The following NEDD4 variants were observed in gnomAD, a reference collection of about 807,000 sequenced individuals.
The protein encoded by NEDD4 is E3 ubiquitin-protein ligase NEDD4.
In NEDD4, 99 loss-of-function variants were observed where a neutral mutation model predicts 144.9. The ratio of observed to expected loss-of-function variants is 0.68; its 90% CI spans 0.58 to 0.81. The LOEUF is 0.81. Among genes scored for constraint, NEDD4 ranks in the 30% least tolerant of loss-of-function variants. The pLI is 0.00. For missense variants in NEDD4, 985 were observed against 1,065.9 expected (o/e 0.92, Z 1.06); for synonymous variants, 318 against 350.6 (o/e 0.91, Z 1.04).
At chr15:55,908,969 TTAAC>T (rs1246367448) in intron 5 of NEDD4, among the ~76,000 whole-genome samples, 1 of 152,252 alleles carries the variant, frequency 6.6e-6, no homozygotes, top group Non-Finnish European at 1.5e-5. Flanking sequence ...ATAACTATAC[TTAAC>T]TAAGTTTAGT....
Position 55,838,538 on chromosome 15 carries a change from A to C in NEDD4, c.2098T>G (p.Phe700Val). ...CCAAAAAGTTCTTCATCTATGATAA[A>C]CCTGAGGTCCAATTCTGTTGGGTCA... ...ENDPTELDLR[F>V]IIDEELFGQT... Residue 700 changes from phenylalanine (F) to valine (V), a missense_variant, in exon 22 of 29, where the codon TTT becomes GTT. Coordinates refer to ENST00000435532, the MANE Select transcript of NEDD4 (RefSeq NM_006154.4). 3 of 1,612,986 alleles carry C rather than the reference A, an allele frequency of 1.9e-6. No homozygotes were observed. The highest frequency in any genetic ancestry group is 2.5e-6 in the Non-Finnish European group (3 of 1,179,444).
intron 7 of NEDD4, 111 bp from the exon 8 acceptor site, chr15:55,869,792 G>T (rs2034711266): frequency 1.5e-6 from 1 of 652,060 alleles, no homozygotes; most frequent in Non-Finnish European, 2.6e-6. Flanking sequence ...ACAAAGGGAG[G>T]TTCAAAGACA....
At chr15:55,835,172 C>A (rs1171744861) in intron 24 of NEDD4, among the ~76,000 whole-genome samples, 2 of 152,186 alleles carry the variant, frequency 1.3e-5, no homozygotes, top group African/African-American at 2.4e-5. Context: ...ATTCACTCAC[C>A]TCCCATCTAA....
intron 1 of NEDD4, among the ~76,000 whole-genome samples, chr15:55,985,381 T>C (rs1309261125): frequency 1.3e-5 from 2 of 152,154 alleles, no homozygotes; most frequent in South Asian, 2.1e-4. Flanking sequence ...CATACAGAGA[T>C]GCATCAGAAG....
chr15:55,827,061 G>A lies in NEDD4; in HGVS notation c.*2836C>T, dbSNP rs2032729294. On this transcript the variant is annotated 3_prime_UTR_variant, in exon 29 of 29. Transcript: ENST00000435532. ...TTACTGTGTCAGAAGATTTTAAAAAGTCAAATAGTTTATAATCAAAATGAA... is the reference window on the plus strand; with the variant it reads ...TTACTGTGTCAGAAGATTTTAAAAAATCAAATAGTTTATAATCAAAATGAA... 1.3e-5 allele frequency: 2 copies of A among 152,150 alleles called. 1 individual carries two copies. The highest frequency in any genetic ancestry group is 4.1e-4 in the South Asian group (2 of 4,832). 9.4% of individuals were successfully genotyped at this position (152,150 alleles called of 1,614,324 possible). A position where few individuals can be genotyped will look rare whatever the true frequency, so the allele number is the denominator to read the frequency against.
In NEDD4 at chr15:55,827,090, T is replaced by G. The variant is rs1382825443; in HGVS notation, c.*2807A>C. On this transcript the variant is annotated 3_prime_UTR_variant, in exon 29 of 29. Coordinates refer to ENST00000435532, the MANE Select transcript of NEDD4 (RefSeq NM_006154.4). ...AATAGTTTATAATCAAAATGAATTGTGTTTAACTTGATACTTATATGGAAT... is the reference window on the plus strand; with the variant it reads ...AATAGTTTATAATCAAAATGAATTGGGTTTAACTTGATACTTATATGGAAT... 6 of 152,338 alleles carry G rather than the reference T, an allele frequency of 3.9e-5. No homozygotes were observed. Among genetic ancestry groups the G allele is most frequent in the Admixed American group, 2.0e-4 (3 of 15,304 alleles). The allele number at this position is 152,338 out of a possible 1,614,324, so 9.4% of individuals were successfully genotyped here.
At chr15:55,891,459 C>T (rs1232747675) in intron 5 of NEDD4, among the ~76,000 whole-genome samples, 1 of 152,138 alleles carries the variant, frequency 6.6e-6, no homozygotes, top group Non-Finnish European at 1.5e-5. Context: ...CTGTGATGTT[C>T]ATTAATATTT....
intron 4 of NEDD4, among the ~76,000 whole-genome samples, chr15:55,935,524 T>C (rs1317616766): frequency 6.6e-6 from 1 of 152,036 alleles, no homozygotes; most frequent in Non-Finnish European, 1.5e-5. Flanking sequence ...CAAAGTCTTC[T>C]GGAAAAAGGT....
At chr15:55,841,559 T>A (rs181658119) in intron 19 of NEDD4, among the ~76,000 whole-genome samples, 1 of 152,284 alleles carries the variant, frequency 6.6e-6, no homozygotes, top group East Asian at 1.9e-4. Context: ...GTAATGACTC[T>A]AAATTGTATA....
intron 5 of NEDD4, among the ~76,000 whole-genome samples, chr15:55,922,693 T>C (rs2036590934): frequency 6.6e-6 from 1 of 151,988 alleles, no homozygotes; most frequent in Non-Finnish European, 1.5e-5. Flanking sequence ...TATATATACA[T>C]GTGATAAAAG....
At chr15:55,955,005 C>CTGCACTGCACTGCATTGTATTGCAT (rs1466405666) in intron 2 of NEDD4, among the ~76,000 whole-genome samples, 7 of 152,072 alleles carry the variant, frequency 4.6e-5, no homozygotes, top group African/African-American at 1.7e-4. Context: ...TTGCATTGCA[C>CTGCACTGCACTGCATTGTATTGCAT]TGCACTGCAC....
intron 4 of NEDD4, chr15:55,934,792 A>T (rs1334381512): frequency 6.6e-6 from 1 of 151,026 alleles, no homozygotes; most frequent in Non-Finnish European, 1.5e-5. Flanking sequence ...TATTATTATT[A>T]AAATTTTATT....
intron 4 of NEDD4, among the ~76,000 whole-genome samples, chr15:55,949,008 T>C (rs1420277563): frequency 6.6e-6 from 1 of 152,182 alleles, no homozygotes; most frequent in African/African-American, 2.4e-5. Flanking sequence ...ACCATCAGCA[T>C]GAACAGGCAA....
At chr15:55,923,659 A>AAAATATAT (rs546642962) in intron 5 of NEDD4, among the ~76,000 whole-genome samples, 1 of 135,288 alleles carries the variant, frequency 7.4e-6, no homozygotes, top group African/African-American at 2.8e-5. Context: ...AAAAAAAAAA[A>AAAATATAT]ATATATATAT....
intron 12 of NEDD4, 108 bp downstream of exon 12, chr15:55,856,023 C>A: frequency 1.2e-6 from 1 of 853,444 alleles, no homozygotes; most frequent in Non-Finnish European, 1.9e-6. Flanking sequence ...ACATTCTGTG[C>A]TGTATTGGCT....
At chr15:55,942,422 C>T (rs937737531) in intron 4 of NEDD4, among the ~76,000 whole-genome samples, 15 of 152,122 alleles carry the variant, frequency 9.9e-5, no homozygotes, top group Non-Finnish European at 1.6e-4. Context: ...GGGAGGTGAC[C>T]GGATCACGGA....
chr15:55,983,704 C>G (rs988912266), intron 1 of NEDD4, among the ~76,000 whole-genome samples: 1 of 151,568 alleles, frequency 6.6e-6, no homozygotes, highest in African/African-American at 2.4e-5. Context: ...CCCCACCTCC[C>G]GATTCAAACA....
chr15:55,952,375 T>C (rs1234809000), intron 2 of NEDD4, among the ~76,000 whole-genome samples: 1 of 151,904 alleles, frequency 6.6e-6, no homozygotes, highest in Non-Finnish European at 1.5e-5. Flanking sequence ...AGGTGTTATG[T>C]AACCACTTCT....
At chr15:55,852,575 C>T in intron 12 of NEDD4, 32 bp from the exon 13 acceptor site, 1 of 1,605,376 alleles carries the variant, frequency 6.2e-7, no homozygotes, top group East Asian at 2.2e-5. Context: ...GAATTAAATA[C>T]ATCAAGTTTA....
Sources: allele counts gnomAD v4.1 joint callset (sites outside exome capture counted in the v4.1 genomes callset), GRCh38; gene constraint gnomAD v4.1.1; transcripts MANE v1.5; gene names NCBI Gene and HGNC (gene_info 2026-07-23, HGNC 2026-07-21).